The following SORCS1 variants were observed in gnomAD, a reference collection of about 807,000 sequenced individuals.
SORCS1 encodes VPS10 domain-containing receptor SorCS1.
A neutral mutation model predicts 146.1 loss-of-function variants in SORCS1; 60 were observed. The ratio of observed to expected loss-of-function variants is 0.41; its 90% CI spans 0.33 to 0.51. SORCS1 has a LOEUF of 0.51. Among genes scored for constraint, SORCS1 ranks in the 20% least tolerant of loss-of-function variants. The pLI is 0.21. For missense variants in SORCS1, 1,352 were observed against 1,487.6 expected (o/e 0.91, Z 1.50); for synonymous variants, 637 against 584.0 (o/e 1.09, Z -1.31).
At chr10:106,944,874 CTTTTTTTTTTTT>C (rs765355110) in intron 2 of SORCS1, among the ~76,000 whole-genome samples, 17 of 36,614 alleles carry the variant, frequency 4.6e-4, no homozygotes, top group East Asian at 1.0e-3. Context: ...AAAGAGCCTT[CTTTTTTTTTTTT>C]TTTTTTTTTT....
intron 2 of SORCS1, among the ~76,000 whole-genome samples, chr10:106,864,741 G>C (rs1245451696): frequency 6.6e-6 from 1 of 152,132 alleles, no homozygotes; most frequent in Non-Finnish European, 1.5e-5. Flanking sequence ...TGGGGGGTGG[G>C]GTAGGGGTTG....
rs569325962 is a variant in SORCS1, at chr10:107,084,806, T to C, written c.558+79163A>G. Among the ~76,000 whole-genome samples, 18 of 152,306 alleles carry C rather than the reference T, an allele frequency of 1.2e-4. No homozygotes were observed. In the East Asian group the frequency reaches 2.9e-3, roughly 24 times the overall value. ...CCACAAATACTAAGTATTCAAAAGT[T>C]ACTGTGAGTTTATTTTTATAAACTA... is the stretch of plus-strand genomic sequence containing the variant. On this transcript the variant is annotated intron_variant, in intron 1 of 25. Transcript: ENST00000263054.
At chr10:106,975,442 T>C (rs1164270360) in intron 1 of SORCS1, among the ~76,000 whole-genome samples, 1 of 152,226 alleles carries the variant, frequency 6.6e-6, no homozygotes, top group Non-Finnish European at 1.5e-5. Flanking sequence ...CTCAAAATGC[T>C]GTTGGCTACA....
rs189052385 is a variant in SORCS1 at position 107,093,952 on chromosome 10, G to A, written c.558+70017C>T. Among the ~76,000 whole-genome samples the A allele has an allele frequency of 4.1e-3, 621 of 152,040 alleles. 2 individuals carry two copies. The highest frequency in any genetic ancestry group is 6.0e-3 in the Non-Finnish European group (410 of 68,002). On this transcript the variant is annotated intron_variant, in intron 1 of 25. Transcript: ENST00000263054. ...TACTCACCATTCCTATGCCTGGACC[G>A]CTATCCCCCAGAAGCACACATAGCT... is the stretch of plus-strand genomic sequence containing the variant.
chr10:107,095,109 T>A (rs1240863931), intron 1 of SORCS1, among the ~76,000 whole-genome samples: 2 of 152,010 alleles, frequency 1.3e-5, no homozygotes, highest in African/African-American at 2.4e-5. Flanking sequence ...AGAGGTGAAG[T>A]GACTGTGGAG....
intron 17 of SORCS1, among the ~76,000 whole-genome samples, chr10:106,663,117 A>G (rs1564831676): frequency 6.6e-6 from 1 of 152,254 alleles, no homozygotes; most frequent in South Asian, 2.1e-4. Flanking sequence ...TAGTGGCAGA[A>G]AAAACAAAAT....
chr10:106,994,442 T>C (rs1352224430), intron 1 of SORCS1, among the ~76,000 whole-genome samples: 5 of 152,196 alleles, frequency 3.3e-5, no homozygotes, highest in Admixed American at 6.5e-5. Context: ...GATTATACCA[T>C]AGAAGTATCA....
rs569492155 is a variant in SORCS1, at chr10:106,871,687, A to G, written c.627-42014T>C. Among the ~76,000 whole-genome samples, 6 of 152,326 alleles carry G rather than the reference A, an allele frequency of 3.9e-5. No individual in the cohort carries two copies. The South Asian group carries it at 1.2e-3, about 32-fold the overall frequency. ...GTTCTCATTCATAAGTGGGAGCTAA[A>G]TGATGAGCACTCATGAACACCAACA... On this transcript the variant is annotated intron_variant, in intron 2 of 25. Transcript: ENST00000263054.
chr10:106,911,972 G>A (rs1223372627), intron 2 of SORCS1, among the ~76,000 whole-genome samples: 1 of 152,004 alleles, frequency 6.6e-6, no homozygotes, highest in African/African-American at 2.4e-5. Flanking sequence ...AATTAGCCGG[G>A]TGTTGTGGCG....
chr10:106,761,596 C>T lies in SORCS1; in HGVS notation c.951G>A (p.Arg317=), dbSNP rs1405373404. The T allele has an allele frequency of 1.2e-6, 2 of 1,614,026 alleles. No homozygotes were observed. The highest frequency in any genetic ancestry group is 1.1e-5 in the South Asian group (1 of 91,074). ...GATAAAGTGAGACTTACCAGTAGAA[C>T]CTGTTTGGTACAACCCCTTCTTGGA... ...QLIQEGVVPN[R]FYWSVMGSNK... Residue 317 remains arginine, a synonymous_variant, in exon 5 of 26, where the codon AGG becomes AGA. Transcript: ENST00000263054.
chr10:106,772,868 G>T (rs1002429026), intron 4 of SORCS1, among the ~76,000 whole-genome samples: 2 of 152,208 alleles, frequency 1.3e-5, no homozygotes, highest in African/African-American at 4.8e-5. Context: ...CTCATATACG[G>T]TCTATCCTGC....
At position 106,778,119 on chromosome 10, in the gene SORCS1, G is replaced by A. The variant is rs1860601794; in HGVS notation, c.727-1427C>T. On this transcript the variant is annotated intron_variant, in intron 3 of 25. Coordinates refer to ENST00000263054, the MANE Select transcript of SORCS1 (RefSeq NM_052918.5). The stretch of plus-strand genomic sequence containing the variant: ...AACAGTTAGTGTCATCTTTGAAAGT[G>A]GTGTCCTGTCACTGTAAATGGCACA... 2.6e-5 allele frequency among the ~76,000 whole-genome samples: 4 copies of A among 152,060 alleles called. No individual in the cohort carries two copies. In the South Asian group the frequency reaches 6.2e-4, roughly 24 times the overall value.
At chr10:106,907,302 G>A (rs1158655713) in intron 2 of SORCS1, among the ~76,000 whole-genome samples, 2 of 152,094 alleles carry the variant, frequency 1.3e-5, no homozygotes, top group Non-Finnish European at 2.9e-5. Context: ...ATTAAATATT[G>A]TGACATATTA....
chr10:106,736,658 A>AT (rs1856969805), intron 5 of SORCS1, among the ~76,000 whole-genome samples: 1 of 127,672 alleles, frequency 7.8e-6, no homozygotes, highest in Non-Finnish European at 1.7e-5. Flanking sequence ...TTGTTTTTGA[A>AT]TAGATCATCT....
chr10:106,586,891 G>A (rs1362805489), intron 24 of SORCS1, among the ~76,000 whole-genome samples: 1 of 152,208 alleles, frequency 6.6e-6, no homozygotes, highest in Non-Finnish European at 1.5e-5. Context: ...AGGTGTTCAA[G>A]GCTGTAGTGA....
intron 1 of SORCS1, among the ~76,000 whole-genome samples, chr10:106,962,495 T>C (rs931299200): frequency 2.6e-5 from 4 of 151,944 alleles, no homozygotes; most frequent in African/African-American, 7.3e-5. Flanking sequence ...CTTGTTTTCC[T>C]CTATGTCCAA....
At chr10:106,985,822 A>G (rs1000563351) in intron 1 of SORCS1, among the ~76,000 whole-genome samples, 13 of 151,106 alleles carry the variant, frequency 8.6e-5, no homozygotes, top group Non-Finnish European at 1.8e-4. Flanking sequence ...GGTATCAGCC[A>G]CCGAGCCTGG....
intron 1 of SORCS1, among the ~76,000 whole-genome samples, chr10:107,151,784 T>A (rs1183923603): frequency 1.3e-5 from 2 of 152,188 alleles, no homozygotes; most frequent in Non-Finnish European, 2.9e-5. Flanking sequence ...TTAAATGATT[T>A]AGGGTATCTG....
At chr10:106,838,160 C>T (rs1488390955) in intron 2 of SORCS1, among the ~76,000 whole-genome samples, 3 of 152,142 alleles carry the variant, frequency 2.0e-5, no homozygotes, top group Non-Finnish European at 4.4e-5. Context: ...TATGGTTTGG[C>T]AAGGACTTTT....
Sources: gnomAD v4.1 joint callset for allele counts (sites outside exome capture counted in the v4.1 genomes callset) on GRCh38, gnomAD v4.1.1 for gene constraint, MANE v1.5 for transcripts, NCBI Gene and HGNC (gene_info 2026-07-23, HGNC 2026-07-21) for gene names.